CCDC148: variants seen among roughly 807,000 people sequenced by gnomAD.
CCDC148 encodes the protein coiled-coil domain containing 148, also known as coiled-coil domain-containing protein 148.
Under a neutral mutation model 85.7 loss-of-function variants are expected in CCDC148, and 89 were observed. The observed-to-expected ratio is 1.04, with a 90% CI of 0.87 to 1.24. CCDC148 has a LOEUF of 1.24. Among genes scored for constraint, CCDC148 ranks in the 50% most tolerant of loss-of-function variants. The pLI is 0.00. For synonymous variants in CCDC148, 230 were observed against 213.9 expected (o/e 1.08, Z -0.66); for missense variants, 692 against 671.7 (o/e 1.03, Z -0.33).
intron 11 of CCDC148, among the ~76,000 whole-genome samples, chr2:158,196,102 T>C (rs1685656523): frequency 6.6e-6 from 1 of 152,126 alleles, no homozygotes; most frequent in African/African-American, 2.4e-5. Flanking sequence ...AATTGTTACA[T>C]TTTGGGACCT....
intron 1 of CCDC148, among the ~76,000 whole-genome samples, chr2:158,432,570 C>A (rs1574811356): frequency 6.6e-6 from 1 of 152,294 alleles, no homozygotes; most frequent in East Asian, 1.9e-4. Flanking sequence ...GAATTCCTTA[C>A]ATCTATTAAC....
chr2:158,451,818 T>A (rs1447355141), intron 1 of CCDC148, among the ~76,000 whole-genome samples: 1 of 152,146 alleles, frequency 6.6e-6, no homozygotes, highest in Non-Finnish European at 1.5e-5. Context: ...GCTGTTACTC[T>A]TCATAGTTCA....
intron 7 of CCDC148, among the ~76,000 whole-genome samples, chr2:158,321,551 A>G (rs1357348251): frequency 6.6e-6 from 1 of 152,200 alleles, no homozygotes. Flanking sequence ...TCTCAGAGAA[A>G]AATGCCACAT....
chr2:158,337,338 T>C (rs1682441129), intron 7 of CCDC148, among the ~76,000 whole-genome samples: 1 of 152,092 alleles, frequency 6.6e-6, no homozygotes, highest in Non-Finnish European at 1.5e-5. Flanking sequence ...ACAGCTACAG[T>C]TTATCAGGCT....
intron 7 of CCDC148, among the ~76,000 whole-genome samples, chr2:158,334,002 G>A (rs1693291007): frequency 6.6e-6 from 1 of 152,130 alleles, no homozygotes; most frequent in Admixed American, 6.6e-5. Flanking sequence ...TGCATTGAAT[G>A]CATAGATCAA....
intron 1 of CCDC148, among the ~76,000 whole-genome samples, chr2:158,409,849 G>A (rs1686183686): frequency 6.6e-6 from 1 of 152,126 alleles, no homozygotes; most frequent in South Asian, 2.1e-4. Context: ...GGACCCGGTG[G>A]GAGATAATCG....
intron 10 of CCDC148, among the ~76,000 whole-genome samples, chr2:158,246,319 A>G (rs563293143): frequency 5.9e-5 from 9 of 152,308 alleles, no homozygotes; most frequent in Non-Finnish European, 8.8e-5. Context: ...ACCAAAATGT[A>G]TCTCCAACAG....
chr2:158,425,358 G>A (rs1039599937), intron 1 of CCDC148: 1 of 480,878 alleles, frequency 2.1e-6, no homozygotes, highest in Non-Finnish European at 4.1e-6. Context: ...CCATCTTGCA[G>A]GATGACATTG....
intron 9 of CCDC148, among the ~76,000 whole-genome samples, chr2:158,283,696 A>C (rs1402015167): frequency 6.6e-6 from 1 of 151,764 alleles, no homozygotes; most frequent in African/African-American, 2.4e-5. Flanking sequence ...AACTAGTTCA[A>C]CCATTGTGGA....
chr2:158,409,941 C>T (rs77072956), intron 1 of CCDC148, among the ~76,000 whole-genome samples: 11,341 of 152,214 alleles, frequency 0.075, 572 homozygotes, highest in Middle Eastern at 0.11. Context: ...TAAGAAATCC[C>T]TTTCACTTGG....
chr2:158,348,246 A>T (rs148404553), intron 2 of CCDC148, among the ~76,000 whole-genome samples: 6 of 152,228 alleles, frequency 3.9e-5, no homozygotes, highest in Admixed American at 2.6e-4. Flanking sequence ...TGTTCTTGAC[A>T]AAATTAATTG....
intron 1 of CCDC148, among the ~76,000 whole-genome samples, chr2:158,452,542 G>A (rs1688446766): frequency 1.3e-5 from 2 of 152,186 alleles, no homozygotes; most frequent in African/African-American, 4.8e-5. Context: ...TTTGGGGTAG[G>A]CATATTGTGG....
chr2:158,355,425 T>C (rs984856914), intron 2 of CCDC148, among the ~76,000 whole-genome samples: 3 of 152,228 alleles, frequency 2.0e-5, no homozygotes, highest in African/African-American at 4.8e-5. Context: ...AGCATTCTTA[T>C]ATACCAGCAA....
intron 1 of CCDC148, among the ~76,000 whole-genome samples, chr2:158,455,087 T>C (rs780908626): frequency 2.2e-4 from 34 of 152,254 alleles, no homozygotes; most frequent in Non-Finnish European, 4.3e-4. Context: ...TTTGATGTTA[T>C]TGAAATTTAA....
At chr2:158,281,209 T>C (rs1407417246) in intron 9 of CCDC148, among the ~76,000 whole-genome samples, 1 of 151,466 alleles carries the variant, frequency 6.6e-6, no homozygotes, top group Admixed American at 6.6e-5. Flanking sequence ...AACATCACAA[T>C]TAAAAGAACT....
At chr2:158,308,623 T>A (rs1476663298) in intron 9 of CCDC148, among the ~76,000 whole-genome samples, 2 of 152,214 alleles carry the variant, frequency 1.3e-5, no homozygotes, top group Non-Finnish European at 2.9e-5. Context: ...TCCTACCATA[T>A]CATTTATCAA....
intron 8 of CCDC148, among the ~76,000 whole-genome samples, chr2:158,309,959 G>A (rs1361424023): frequency 6.6e-6 from 1 of 152,186 alleles, no homozygotes; most frequent in Non-Finnish European, 1.5e-5. Context: ...GCATTCTTGG[G>A]TGTTTCTCAG....
At position 158,240,452 on chromosome 2, in the gene CCDC148, T is replaced by TCTCTCTCACACACACA. The variant is rs941238898; in HGVS notation, c.1251+10319_1251+10320insTGTGTGTGTGAGAGAG. Among the ~76,000 whole-genome samples, 596 of 120,518 alleles carry TCTCTCTCACACACACA rather than the reference T, an allele frequency of 4.9e-3. 1 individual carries two copies. The highest frequency in any genetic ancestry group is 0.015 in the East Asian group (55 of 3,790). 79.1% of individuals were successfully genotyped at this position (120,518 alleles called of 152,430 possible). On this transcript the variant is annotated intron_variant, in intron 10 of 13. Coordinates refer to ENST00000283233, the MANE Select transcript of CCDC148 (RefSeq NM_138803.4). ...CTCTCTCTTTCTCTCTCTCTCTCTC[T>TCTCTCTCACACACACA]CACACACACACACACACACACACAC...
At chr2:158,238,700 CAAAA>C (rs1434080894) in intron 10 of CCDC148, among the ~76,000 whole-genome samples, 1 of 151,946 alleles carries the variant, frequency 6.6e-6, no homozygotes, top group Non-Finnish European at 1.5e-5. Flanking sequence ...TTTTAGAACA[CAAAA>C]GAAATTCTAC....
Sources: allele counts gnomAD v4.1 joint callset (sites outside exome capture counted in the v4.1 genomes callset), GRCh38; gene constraint gnomAD v4.1.1; transcripts MANE v1.5; gene names NCBI Gene and HGNC (gene_info 2026-07-23, HGNC 2026-07-21).